The following DUOX2 variants were observed in gnomAD, a reference collection of about 807,000 sequenced individuals.
The protein encoded by DUOX2 is dual oxidase 2.
DUOX2 carries 185 observed loss-of-function variants against 183.3 expected under a neutral mutation model. The observed-to-expected ratio is 1.01, with a 90% CI of 0.90 to 1.14. The LOEUF is 1.14. Ranked by LOEUF, DUOX2 falls within the 50% of genes most tolerant of loss-of-function variation. The pLI, the probability that DUOX2 is intolerant of heterozygous loss-of-function variation, is 0.00. For missense variants in DUOX2, 1,999 were observed against 2,022.9 expected (o/e 0.99, Z 0.23); for synonymous variants, 788 against 812.4 (o/e 0.97, Z 0.51).
chr15:45,095,188 T>A (rs1057051157), intron 31 of DUOX2, 97 bp from the exon 32 acceptor site: 1 of 1,503,840 alleles, frequency 6.6e-7, no homozygotes, highest in African/African-American at 1.4e-5. Flanking sequence ...CCAGACCACC[T>A]GCAGACACCA....
intron 32 of DUOX2, 94 bp from the exon 33 acceptor site, chr15:45,094,785 G>A (rs1893858445): frequency 3.1e-6 from 5 of 1,598,732 alleles, no homozygotes; most frequent in African/African-American, 2.7e-5. Flanking sequence ...GAATGGGGAG[G>A]GGAGGGAGCT....
At chr15:45,101,038 G>C (rs762325992) in intron 22 of DUOX2, 167 bp downstream of exon 22, 1 of 729,664 alleles carries the variant, frequency 1.4e-6, no homozygotes, top group East Asian at 2.7e-5. Context: ...CCAAGCATCC[G>C]AGCAGCATAG....
At chr15:45,112,766 G>A in intron 3 of DUOX2, 48 bp from the exon 4 acceptor site, 2 of 1,606,798 alleles carry the variant, frequency 1.2e-6, no homozygotes, top group South Asian at 1.1e-5. Flanking sequence ...CATCCCCTAG[G>A]ATCCCCCAAA....
At position 45,106,562 on chromosome 15, in the gene DUOX2, G is replaced by T. The variant is rs144100380; in HGVS notation, c.1911C>A (p.Ser637Arg). 6 of 1,613,964 alleles carry T rather than the reference G, an allele frequency of 3.7e-6. No homozygotes were observed. Among genetic ancestry groups the T allele is most frequent in the East Asian group, 2.2e-5 (1 of 44,878 alleles). ...CATCTTTGGCTGCTTCCTTCTTCACGCTCTCTTTGAGTTTCTTTTGTAGCT... is the reference window on the plus strand; with the variant it reads ...CATCTTTGGCTGCTTCCTTCTTCACTCTCTCTTTGAGTTTCTTTTGTAGCT... The part of the protein sequence containing the change: ...HKKLQKKLKE[S>R]VKKEAAKDGV... The change falls in exon 16 of 34, where the codon AGC (serine) becomes AGA (arginine). Residue 637 changes from serine to arginine, a missense_variant. Around this residue, in one of 3 missense-constraint regions of DUOX2, gnomAD observed 1,628 missense variants for 1,608.6 expected, o/e 1.01. Coordinates refer to ENST00000389039, the MANE Select transcript of DUOX2 (RefSeq NM_001363711.2).
chr15:45,106,984 A>G lies in DUOX2; in HGVS notation c.1694-15T>C. On this transcript the variant is annotated splice_polypyrimidine_tract_variant and intron_variant, in intron 14 of 33. Transcript: ENST00000389039. ...GCAGGGTGCACCTGAGGGAGAGGGC[A>G]GGGAAGACCTCAAAGTCTGAGGATC... 6.4e-7 allele frequency: 1 copy of G among 1,569,062 alleles called. No individual in the cohort carries two copies. Among genetic ancestry groups the G allele is most frequent in the Non-Finnish European group, 8.6e-7 (1 of 1,156,358 alleles).
chr15:45,111,080 G>GGGA, intron 7 of DUOX2, 31 bp downstream of exon 7: 1 of 821,814 alleles, frequency 1.2e-6, no homozygotes, highest in South Asian at 1.8e-5. Flanking sequence ...GCACGCGGAA[G>GGGA]GGAGGACGTC....
At position 45,113,442 on chromosome 15, in the gene DUOX2, G is replaced by C. The variant is rs896198005; in HGVS notation, c.-14-17C>G. On this transcript the variant is annotated splice_polypyrimidine_tract_variant and intron_variant, in intron 1 of 33. Coordinates refer to ENST00000389039, the MANE Select transcript of DUOX2 (RefSeq NM_001363711.2). The stretch of plus-strand genomic sequence containing the variant: ...CCCTGCAGCCTGCGGGGTGAGGGTG[G>C]GGGTGGTAGGTGGTATGCGAAAGCC... 3 of 1,550,142 alleles carry C rather than the reference G, an allele frequency of 1.9e-6. No homozygotes were observed. Among genetic ancestry groups the C allele is most frequent in the Non-Finnish European group, 2.6e-6 (3 of 1,146,550 alleles).
chr15:45,099,789 A>T lies in DUOX2; in HGVS notation c.3288T>A (p.Tyr1096Ter). Residue 1096 changes from tyrosine to a stop codon, truncating the protein, a stop_gained, in exon 25 of 34, where the codon TAT (tyrosine) becomes TAA (stop). Coordinates refer to ENST00000389039, the MANE Select transcript of DUOX2 (RefSeq NM_001363711.2). LOFTEE classifies it high-confidence loss of function. ...GGTTGCGGCACATGGTGAGCAAGAT[A>T]TAAGAGAACATGAAGGAGACGCTGG... ...TAASVSFMFSYILLTMCRNLI... is the reference protein window; with the variant it reads ...TAASVSFMFS The T allele has an allele frequency of 6.2e-7, 1 of 1,614,216 alleles. No homozygotes were observed. The highest frequency in any genetic ancestry group is 8.5e-7 in the Non-Finnish European group (1 of 1,180,038).
intron 28 of DUOX2, 52 bp downstream of exon 28, chr15:45,097,562 T>C: frequency 6.2e-7 from 1 of 1,613,998 alleles, no homozygotes; most frequent in Non-Finnish European, 8.5e-7. Flanking sequence ...TTCACCTTCC[T>C]GTCCCATCCT....
At position 45,094,022 on chromosome 15, in the gene DUOX2, G is replaced by A. The variant is rs1313361071; in HGVS notation, c.*128C>T. 5.7e-6 allele frequency: 7 copies of A among 1,238,102 alleles called. No homozygotes were observed. The highest frequency in any genetic ancestry group is 8.3e-6 in the Non-Finnish European group (7 of 846,476). 76.7% of individuals were successfully genotyped at this position (1,238,102 alleles called of 1,614,324 possible). On this transcript the variant is annotated 3_prime_UTR_variant, in exon 34 of 34. Coordinates refer to ENST00000389039, the MANE Select transcript of DUOX2 (RefSeq NM_001363711.2). The stretch of plus-strand genomic sequence containing the variant: ...GGTCAATATTCTCCCAATATTGGGA[G>A]GGGCTCTGCAGCCCTCCAGCTGAGG...
At chr15:45,099,565 G>A in intron 25 of DUOX2, 83 bp from the exon 26 acceptor site, 1 of 1,580,516 alleles carries the variant, frequency 6.3e-7, no homozygotes, top group Admixed American at 1.7e-5. Flanking sequence ...GCATAGGGAG[G>A]AGAGATGGAG....
At chr15:45,108,691 T>A (rs927360643) in intron 12 of DUOX2, 98 bp downstream of exon 12, 1 of 1,315,332 alleles carries the variant, frequency 7.6e-7, no homozygotes, top group African/African-American at 1.5e-5. Flanking sequence ...CTTACAATAT[T>A]ATTATGTAGA....
In DUOX2 at chr15:45,096,098, G is replaced by A. The variant is rs753931188; in HGVS notation, c.3848-38C>T. The A allele has an allele frequency of 1.9e-6, 3 of 1,564,150 alleles. No individual in the cohort carries two copies. The South Asian group carries it at 3.3e-5, about 17-fold the overall frequency. ...GACAGGGAAAAGCACAGATGAGAAGGCCTGCTCCTGGTACCTGAGGACTGA... is the reference window on the plus strand; with the variant it reads ...GACAGGGAAAAGCACAGATGAGAAGACCTGCTCCTGGTACCTGAGGACTGA... On this transcript the variant is annotated intron_variant, in intron 29 of 33. Transcript: ENST00000389039.
At chr15:45,110,559 G>A (rs1033121851) in intron 8 of DUOX2, 35 bp from the exon 9 acceptor site, 18 of 1,613,784 alleles carry the variant, frequency 1.1e-5, no homozygotes, top group Admixed American at 1.7e-5. Flanking sequence ...GGGGAGACAG[G>A]CTTCTTGCCT....
intron 30 of DUOX2, 67 bp downstream of exon 30, chr15:45,095,761 A>G: frequency 1.3e-6 from 2 of 1,558,492 alleles, no homozygotes; most frequent in Admixed American, 3.5e-5. Context: ...TAGTCTCAGG[A>G]TAGGGAAGGG....
intron 13 of DUOX2, among the ~76,000 whole-genome samples, chr15:45,107,694 T>TA (rs1253233547): frequency 1.3e-5 from 2 of 151,152 alleles, no homozygotes; most frequent in East Asian, 3.9e-4. Context: ...AAATATTTTT[T>TA]AAAAAAATTA....
At position 45,100,804 on chromosome 15, in the gene DUOX2, C is replaced by A; in HGVS notation, c.2956G>T (p.Glu986Ter). Reference protein sequence around the residue: ...HPQGLGPPAPEAPELGGPGLK... With the variant: ...HPQGLGPPAP ...CCAGGGCCTCCCAGCTCTGGGGCTT[C>A]TGGGGCAGGGGGCCCCAGTCCCTGG... Residue 986 changes from glutamate to a stop codon, truncating the protein, a stop_gained, in exon 23 of 34, where the codon GAA becomes TAA. Transcript: ENST00000389039. LOFTEE classifies it high-confidence loss of function. 1 of 1,614,098 alleles carries A rather than the reference C, an allele frequency of 6.2e-7. No homozygotes were observed. The highest frequency in any genetic ancestry group is 1.1e-5 in the South Asian group (1 of 91,078).
At chr15:45,105,987 G>T in intron 17 of DUOX2, 138 bp downstream of exon 17, 1 of 1,360,814 alleles carries the variant, frequency 7.3e-7, no homozygotes, top group Non-Finnish European at 1.0e-6. Flanking sequence ...GGTTGTGTCT[G>T]GGGGCCTCTG....
chr15:45,112,440 G>T, intron 4 of DUOX2, 114 bp downstream of exon 4: 2 of 1,317,026 alleles, frequency 1.5e-6, no homozygotes, highest in Non-Finnish European at 2.1e-6. Context: ...GCGTAGAGAG[G>T]AAGTGGTTGG....
Sources: allele counts gnomAD v4.1 joint callset (sites outside exome capture counted in the v4.1 genomes callset), GRCh38; gene constraint gnomAD v4.1.1; regional missense constraint gnomAD v4.1.1; transcripts MANE v1.5; gene names NCBI Gene and HGNC (gene_info 2026-07-23, HGNC 2026-07-21).